ROS1: variants seen among roughly 807,000 people sequenced by gnomAD.
The protein encoded by ROS1 is proto-oncogene tyrosine-protein kinase ROS.
Under a neutral mutation model 273.5 loss-of-function variants are expected in ROS1, and 263 were observed. The observed-to-expected ratio is 0.96, with a 90% CI of 0.87 to 1.06. ROS1 has a LOEUF of 1.06. Ranked by LOEUF, ROS1 falls within the 50% of genes least tolerant of loss-of-function variation. The pLI is 0.00. For missense variants in ROS1, 2,833 were observed against 2,751.1 expected (o/e 1.03, Z -0.67); for synonymous variants, 1,008 against 954.1 (o/e 1.06, Z -1.04).
chr6:117,403,371 T>A (rs2128724674), intron 6 of ROS1, 94 bp from the exon 7 acceptor site: 1 of 1,230,094 alleles, frequency 8.1e-7, no homozygotes, highest in Non-Finnish European at 1.1e-6. Context: ...GATGGATGGC[T>A]CAACAGAGAA....
intron 27 of ROS1, among the ~76,000 whole-genome samples, chr6:117,350,287 A>G (rs1039550919): frequency 6.6e-6 from 1 of 151,992 alleles, no homozygotes; most frequent in Non-Finnish European, 1.5e-5. Context: ...TTTTTCTCTC[A>G]ACATTTTAAA....
rs374014733 is a variant in ROS1 at position 117,408,246 on chromosome 6, C to G, written c.316+1336G>C. The stretch of plus-strand genomic sequence containing the variant: ...ATTAAACTAAAGAGCTTCTGCACAG[C>G]AAAAGAAACTACCATCAGACTGAAC... On this transcript the variant is annotated intron_variant, in intron 5 of 43. Transcript: ENST00000368507. 5.9e-4 allele frequency among the ~76,000 whole-genome samples: 89 copies of G among 151,660 alleles called. No individual in the cohort carries two copies. In the East Asian group the frequency reaches 0.015, roughly 26 times the overall value.
At chr6:117,374,641 T>G (rs1413231488) in intron 18 of ROS1, among the ~76,000 whole-genome samples, 1 of 152,192 alleles carries the variant, frequency 6.6e-6, no homozygotes, top group Admixed American at 6.5e-5. Context: ...TTAATTAAAC[T>G]AAAAAGCTTC....
At chr6:117,369,849 A>ATG (rs759802130) in intron 18 of ROS1, among the ~76,000 whole-genome samples, 47 of 151,824 alleles carry the variant, frequency 3.1e-4, no homozygotes, top group Non-Finnish European at 6.3e-4. Context: ...TATAGGCATT[A>ATG]TGTGTGTGTG....
chr6:117,359,082 T>G (rs2128647236), intron 24 of ROS1, among the ~76,000 whole-genome samples: 1 of 152,214 alleles, frequency 6.6e-6, no homozygotes, highest in South Asian at 2.1e-4. Context: ...TTCCTTTCAC[T>G]CCACTCTCAT....
chr6:117,337,917 GC>G (rs1406752767), intron 31 of ROS1, among the ~76,000 whole-genome samples: 1 of 151,684 alleles, frequency 6.6e-6, no homozygotes, highest in Non-Finnish European at 1.5e-5. Context: ...GAAAAATTTT[GC>G]CCACTATTAT....
intron 8 of ROS1, 46 bp from the exon 9 acceptor site, chr6:117,396,310 G>A (rs1253529260): frequency 3.9e-6 from 5 of 1,279,076 alleles, no homozygotes; most frequent in Non-Finnish European, 4.6e-6. Context: ...ATGGCATGGT[G>A]TGAACATGAG....
At position 117,328,842 on chromosome 6, in the gene ROS1, C is replaced by T. The variant is rs9282840; in HGVS notation, c.5348+487G>A. 1,391 of 613,096 alleles carry T rather than the reference C, an allele frequency of 2.3e-3. 4 individuals are homozygous for T. The highest frequency in any genetic ancestry group is 5.3e-3 in the Admixed American group (286 of 54,058). The allele number at this position is 613,096 out of a possible 1,614,324, so 38.0% of individuals were successfully genotyped here. A position where few individuals can be genotyped will look rare whatever the true frequency, so the allele number is the denominator to read the frequency against. Reference sequence around the variant, plus strand: ...GGAACACATTGCAAACTGTAATCTTCCCAATGAATACAGAATCCTGTGTGA... The same window carrying T: ...GGAACACATTGCAAACTGTAATCTTTCCAATGAATACAGAATCCTGTGTGA... On this transcript the variant is annotated intron_variant, in intron 33 of 43. Coordinates refer to ENST00000368507, the MANE Select transcript of ROS1 (RefSeq NM_001378902.1).
intron 1 of ROS1, among the ~76,000 whole-genome samples, chr6:117,419,632 G>T (rs375912240): frequency 6.6e-6 from 1 of 152,090 alleles, no homozygotes; most frequent in South Asian, 2.1e-4. Flanking sequence ...TGGTTGAATC[G>T]CAAGCAAATA....
chr6:117,378,914 CCTCTT>C (rs1200952062), intron 18 of ROS1, 140 bp downstream of exon 18: 2 of 587,468 alleles, frequency 3.4e-6, no homozygotes, highest in Non-Finnish European at 6.1e-6. Flanking sequence ...TATTTACAAA[CCTCTT>C]TACCCTACAA....
At chr6:117,403,310 T>A in intron 6 of ROS1, 33 bp from the exon 7 acceptor site, 2 of 1,601,646 alleles carry the variant, frequency 1.2e-6, no homozygotes, top group East Asian at 4.5e-5. Flanking sequence ...ATCAGCATTA[T>A]AGAATCAGCA....
Position 117,389,736 on chromosome 6 carries a change from A to G in ROS1, c.1400T>C (p.Phe467Ser). The G allele has an allele frequency of 1.1e-5, 17 of 1,614,124 alleles. No individual in the cohort carries two copies. The highest frequency in any genetic ancestry group is 1.4e-5 in the Non-Finnish European group (16 of 1,180,014). ...TCGCTTGGCTTGTGGCTTGATTGCAAAGTCCTTTAACGTGCAACTCTCCAC... is the reference window on the plus strand; with the variant it reads ...TCGCTTGGCTTGTGGCTTGATTGCAGAGTCCTTTAACGTGCAACTCTCCAC... ...RIVESCTLKD[F>S]AIKPQAKRII... The change falls in exon 13 of 44, where the codon TTT becomes TCT. Residue 467 changes from phenylalanine (F) to serine (S), a missense_variant. Transcript: ENST00000368507.
intron 17 of ROS1, among the ~76,000 whole-genome samples, chr6:117,381,105 C>T (rs767856956): frequency 1.3e-5 from 2 of 151,434 alleles, no homozygotes; most frequent in Admixed American, 1.3e-4. Flanking sequence ...GATTAGACAT[C>T]AAACCATGGA....
At chr6:117,322,387 C>T (rs2128567698) in intron 35 of ROS1, among the ~76,000 whole-genome samples, 1 of 152,236 alleles carries the variant, frequency 6.6e-6, no homozygotes, top group Non-Finnish European at 1.5e-5. Context: ...ACTAATTGCG[C>T]CTCTCTGTGA....
intron 27 of ROS1, among the ~76,000 whole-genome samples, chr6:117,346,104 G>C (rs1482812618): frequency 6.6e-6 from 1 of 152,148 alleles, no homozygotes; most frequent in Non-Finnish European, 1.5e-5. Context: ...GATCTGAACA[G>C]AGAATGGGAT....
chr6:117,290,554 C>T (rs887328994), intron 43 of ROS1, among the ~76,000 whole-genome samples: 1 of 152,184 alleles, frequency 6.6e-6, no homozygotes, highest in African/African-American at 2.4e-5. Context: ...TAAAGACTTC[C>T]AAGTAAGACG....
intron 5 of ROS1, among the ~76,000 whole-genome samples, chr6:117,408,425 A>C (rs1344397656): frequency 1.3e-5 from 2 of 152,248 alleles, no homozygotes; most frequent in African/African-American, 4.8e-5. Context: ...GCACTTCTCC[A>C]AAGAAGACAT....
In ROS1 at chr6:117,288,663, A is replaced by G; in HGVS notation, c.6855T>C (p.Pro2285=). 6.2e-7 allele frequency: 1 copy of G among 1,614,158 alleles called. No individual in the cohort carries two copies. The highest frequency in any genetic ancestry group is 8.5e-7 in the Non-Finnish European group (1 of 1,180,026). ...CGQGEEKSEG[P]LGSQESESCG... is the part of the protein sequence containing the mutation. The stretch of plus-strand genomic sequence containing the variant: ...AAGATTCAGATTCCTGGGAGCCTAG[A>G]GGACCCTCAGACTTTTCTTCACCTT... Residue 2285 remains proline (P), a synonymous_variant, in exon 44 of 44, where the codon CCT becomes CCC. Coordinates refer to ENST00000368507, the MANE Select transcript of ROS1 (RefSeq NM_001378902.1).
intron 18 of ROS1, among the ~76,000 whole-genome samples, chr6:117,370,422 A>C (rs1281944899): frequency 1.3e-5 from 2 of 152,294 alleles, no homozygotes; most frequent in Admixed American, 6.5e-5. Context: ...AAATGTGTGA[A>C]TATCTCTGGA....
Sources: allele counts gnomAD v4.1 joint callset (sites outside exome capture counted in the v4.1 genomes callset), GRCh38; gene constraint gnomAD v4.1.1; transcripts MANE v1.5; gene names NCBI Gene and HGNC (gene_info 2026-07-23, HGNC 2026-07-21).